The following DNPEP variants were observed in gnomAD, a reference collection of about 807,000 sequenced individuals.
The protein encoded by DNPEP is aspartyl aminopeptidase.
In DNPEP, 46 loss-of-function variants were observed where a neutral mutation model predicts 59.1. The observed-to-expected ratio is 0.78, with a 90% confidence interval of 0.61 to 0.99. The LOEUF is 0.99. DNPEP is among the 50% of genes least tolerant of loss of function. The probability of loss-of-function intolerance (pLI) is 0.00; values close to 1 mark genes in which losing one functional copy is unlikely to be tolerated. For synonymous variants in DNPEP, 229 were observed against 242.2 expected (o/e 0.95, Z 0.50); for missense variants, 617 against 649.9 (o/e 0.95, Z 0.55).
chr2:219,395,089 C>T (rs80187295), intron 1 of DNPEP, among the ~76,000 whole-genome samples: 5,604 of 152,064 alleles, frequency 0.037, 331 homozygotes, highest in African/African-American at 0.13. Flanking sequence ...CTGAGGATTA[C>T]AGACATGCAC....
In DNPEP at chr2:219,372,150, G is replaced by A. The variant is rs572361443; in HGVS notation, c.*2142C>T. Among the ~76,000 whole-genome samples the A allele has an allele frequency of 2.0e-5, 3 of 152,110 alleles. No homozygotes were observed. Among genetic ancestry groups the A allele is most frequent in the South Asian group, 4.2e-4 (2 of 4,818 alleles). ...CCATCTATACAATAAAATACTGTAC[G>A]CCAATTGTAAGAGTAAATACAGTGT... is the stretch of plus-strand genomic sequence containing the variant. On this transcript the variant is annotated 3_prime_UTR_variant, in exon 15 of 15. Coordinates refer to ENST00000273075, the MANE Select transcript of DNPEP (RefSeq NM_012100.4).
At position 219,382,005 on chromosome 2, in the gene DNPEP, C is replaced by T; in HGVS notation, c.1071G>A (p.Met357Ile). The T allele has an allele frequency of 6.2e-7, 1 of 1,614,220 alleles. No homozygotes were observed. Among genetic ancestry groups the T allele is most frequent in the Non-Finnish European group, 8.5e-7 (1 of 1,180,050 alleles). Residue 357 changes from methionine to isoleucine, a missense_variant, in exon 11 of 15, where the codon ATG becomes ATA. Physicochemically the swap from Met to Ile is conservative, Grantham distance 10. Transcript: ENST00000273075. ...GGTAGTTGGGATGCACAGCATGGGC[C>T]ATGTCTGCGCTGATCATGAAGGACT... ...IPKSFMISAD[M>I]AHAVHPNYLD...
chr2:219,381,364 C>T lies in DNPEP; in HGVS notation c.1210G>A (p.Val404Met). Residue 404 changes from valine to methionine, a missense_variant, in exon 13 of 15, where the codon GTG (valine) becomes ATG (methionine). Physicochemically the swap from Val to Met is conservative, Grantham distance 21. Transcript: ENST00000273075. ...NAVSEALIREVANKVKVPLQD... is the reference protein window; with the variant it reads ...NAVSEALIREMANKVKVPLQD... ...AGGGGGACCTTGACTTTGTTGGCCA[C>T]CTCTCGGATCAGGGCCTCTGACACC... The T allele has an allele frequency of 6.2e-7, 1 of 1,614,144 alleles. No individual in the cohort carries two copies. Among genetic ancestry groups the T allele is most frequent in the Non-Finnish European group, 8.5e-7 (1 of 1,180,044 alleles).
At position 219,386,864 on chromosome 2, in the gene DNPEP, C is replaced by T. The variant is rs754873589; in HGVS notation, c.219+28G>A. On this transcript the variant is annotated intron_variant, in intron 3 of 14. Coordinates refer to ENST00000273075, the MANE Select transcript of DNPEP (RefSeq NM_012100.4). ...CTTGGAGACCAGCCTAGGGACCTGC[C>T]TTTCCACCCCCACCCCACCCCCAGT... 3 of 1,611,924 alleles carry T rather than the reference C, an allele frequency of 1.9e-6. No individual in the cohort carries two copies. The East Asian group carries it at 6.7e-5, about 36-fold the overall frequency.
In DNPEP at chr2:219,372,292, T is replaced by G. The variant is rs985601924; in HGVS notation, c.*2000A>C. On this transcript the variant is annotated 3_prime_UTR_variant, in exon 15 of 15. Transcript: ENST00000273075. ...CCAACCCAGAAGATCACTGTAAAAGTTTCAGGTGCATTTTTCCAGGCTTTT... is the reference window on the plus strand; with the variant it reads ...CCAACCCAGAAGATCACTGTAAAAGGTTCAGGTGCATTTTTCCAGGCTTTT... Among the ~76,000 whole-genome samples, 1 of 152,012 alleles carries G rather than the reference T, an allele frequency of 6.6e-6. No homozygotes were observed. Among genetic ancestry groups the G allele is most frequent in the Admixed American group, 6.5e-5 (1 of 15,274 alleles).
intron 1 of DNPEP, among the ~76,000 whole-genome samples, chr2:219,395,267 A>G (rs1243468067): frequency 6.6e-6 from 1 of 152,172 alleles, no homozygotes; most frequent in African/African-American, 2.4e-5. Context: ...TCTATTGAGG[A>G]GAACTTACAT....
chr2:219,386,496 C>A (rs956007650), intron 4 of DNPEP, 85 bp from the exon 5 acceptor site: 1 of 1,567,276 alleles, frequency 6.4e-7, no homozygotes, highest in Non-Finnish European at 8.7e-7. Flanking sequence ...TAACAGACAG[C>A]GAATATTAGT....
intron 13 of DNPEP, among the ~76,000 whole-genome samples, chr2:219,379,529 C>T (rs528937348): frequency 1.2e-4 from 18 of 151,948 alleles, no homozygotes; most frequent in Non-Finnish European, 2.5e-4. Flanking sequence ...AATAAGGATA[C>T]AAAAAAGAAA....
upstream of DNPEP, among the ~76,000 whole-genome samples, chr2:219,390,378 T>C (rs571888468): frequency 6.6e-6 from 1 of 152,358 alleles, no homozygotes; most frequent in Admixed American, 6.5e-5. Context: ...AAACACTGAC[T>C]TTCTTGTACA....
chr2:219,394,108 A>G (rs1482222087), intron 1 of DNPEP, among the ~76,000 whole-genome samples: 2 of 151,894 alleles, frequency 1.3e-5, no homozygotes, highest in Non-Finnish European at 2.9e-5. Flanking sequence ...CTTTATGTAA[A>G]TCTCTTTTAA....
intron 9 of DNPEP, among the ~76,000 whole-genome samples, chr2:219,383,527 A>T (rs1175537717): frequency 1.3e-5 from 2 of 150,938 alleles, no homozygotes; most frequent in African/African-American, 4.9e-5. Flanking sequence ...CTAGGTAGAA[A>T]CCTTTTCAAC....
chr2:219,388,170 C>A (rs183671443), upstream of DNPEP, among the ~76,000 whole-genome samples: 72 of 144,744 alleles, frequency 5.0e-4, no homozygotes, highest in African/African-American at 1.8e-3. Context: ...GCCCGCCCCG[C>A]CCCTCGTCAA....
At chr2:219,376,893 C>T (rs1574970480) in intron 13 of DNPEP, among the ~76,000 whole-genome samples, 1 of 86,618 alleles carries the variant, frequency 1.2e-5, no homozygotes, top group Non-Finnish European at 2.9e-5. Flanking sequence ...GTCCAGTGGT[C>T]AATCTTTGCA....
chr2:219,395,816 T>G (rs1954086927), intron 1 of DNPEP, among the ~76,000 whole-genome samples: 1 of 152,184 alleles, frequency 6.6e-6, no homozygotes, highest in East Asian at 1.9e-4. Flanking sequence ...TGTCTTAGGA[T>G]CCACAGGAAG....
intron 5 of DNPEP, 78 bp downstream of exon 5, chr2:219,386,208 T>C: frequency 6.2e-7 from 1 of 1,610,324 alleles, no homozygotes; most frequent in Non-Finnish European, 8.5e-7. Flanking sequence ...CCCCCACCCC[T>C]CTTCCCCACG....
At chr2:219,378,536 G>A (rs937531597) in intron 13 of DNPEP, among the ~76,000 whole-genome samples, 6 of 152,104 alleles carry the variant, frequency 3.9e-5, no homozygotes, top group African/African-American at 1.4e-4. Context: ...CTGGGAGTCA[G>A]GATACCACGG....
intron 4 of DNPEP, 121 bp downstream of exon 4, chr2:219,386,541 CCAA>C: frequency 6.8e-7 from 1 of 1,470,338 alleles, no homozygotes; most frequent in Non-Finnish European, 9.3e-7. Flanking sequence ...AAGGAAGGGG[CCAA>C]CAAGTTTACC....
rs545255673 is a variant in DNPEP at position 219,398,865 on chromosome 2, C to G, written c.-158+1075G>C. Among the ~76,000 whole-genome samples the G allele has an allele frequency of 6.6e-5, 10 of 152,258 alleles. No homozygotes were observed. The South Asian group carries it at 2.1e-3, about 32-fold the overall frequency. ...CCCAAGGAATGCAGCTTCTGATGCA[C>G]CCCCTCCAGGTGGCAGGCACAGGCC... On this transcript the variant is annotated intron_variant, in intron 1 of 6. Coordinates refer to the DNPEP transcript ENST00000434339.
chr2:219,392,675 A>T (rs533903471), upstream of DNPEP, among the ~76,000 whole-genome samples: 1 of 152,154 alleles, frequency 6.6e-6, no homozygotes, highest in Non-Finnish European at 1.5e-5. Context: ...TGCCTGGCTC[A>T]TTTTTTGTAT....
Sources: allele counts gnomAD v4.1 joint callset (sites outside exome capture counted in the v4.1 genomes callset), GRCh38; gene constraint gnomAD v4.1.1; transcripts MANE v1.5; gene names NCBI Gene and HGNC (gene_info 2026-07-23, HGNC 2026-07-21).